Variants in ADAM22 observed in about 807,000 individuals in gnomAD.
ADAM22 encodes the protein disintegrin and metalloproteinase domain-containing protein 22.
A neutral mutation model predicts 144.6 loss-of-function variants in ADAM22; 65 were observed. That is an observed-to-expected ratio of 0.45 (90% CI 0.37 to 0.55). ADAM22 has a LOEUF of 0.55. Ranked by LOEUF, ADAM22 falls within the 20% of genes least tolerant of loss-of-function variation. The pLI, the probability that ADAM22 is intolerant of heterozygous loss-of-function variation, is 0.00. For missense variants in ADAM22, 974 were observed against 1,184.9 expected (o/e 0.82, Z 2.61); for synonymous variants, 391 against 412.6 (o/e 0.95, Z 0.63).
At chr7:87,968,067 A>G (rs1849575936) in intron 2 of ADAM22, among the ~76,000 whole-genome samples, 1 of 152,194 alleles carries the variant, frequency 6.6e-6, no homozygotes, top group Non-Finnish European at 1.5e-5. Context: ...TTAAGAAATA[A>G]TGCAGGAATT....
intron 3 of ADAM22, among the ~76,000 whole-genome samples, chr7:88,002,912 A>G (rs1257906073): frequency 6.6e-6 from 1 of 152,226 alleles, no homozygotes; most frequent in East Asian, 1.9e-4. Context: ...TGCTTAGATG[A>G]AGTAAGAGGA....
intron 4 of ADAM22, among the ~76,000 whole-genome samples, chr7:88,085,570 A>G (rs1208338782): frequency 6.6e-6 from 1 of 152,220 alleles, no homozygotes; most frequent in Non-Finnish European, 1.5e-5. Flanking sequence ...CAAAATCATG[A>G]TAAATCTTTT....
rs369310779 is a variant in ADAM22 at position 88,200,590 on chromosome 7, C to T, written c.*4099C>T. 2.0e-5 allele frequency: 3 copies of T among 152,204 alleles called. No homozygotes were observed. The highest frequency in any genetic ancestry group is 4.4e-5 in the Non-Finnish European group (3 of 68,050). 9.4% of individuals were successfully genotyped at this position (152,204 alleles called of 1,614,324 possible). On this transcript the variant is annotated 3_prime_UTR_variant, in exon 32 of 32. Coordinates refer to ENST00000413139, the MANE Select transcript of ADAM22 (RefSeq NM_001324418.2). ...CAGCATCATATCTACTTTTTATGCA[C>T]CTAATTATATTTTTCCTTTCACTTT...
At chr7:87,960,283 T>C (rs1847737618) in intron 2 of ADAM22, among the ~76,000 whole-genome samples, 1 of 152,312 alleles carries the variant, frequency 6.6e-6, no homozygotes, top group South Asian at 2.1e-4. Flanking sequence ...GCTTTCATTT[T>C]AAGCATCATA....
chr7:88,030,312 T>C (rs1335067509), intron 3 of ADAM22, among the ~76,000 whole-genome samples: 1 of 152,156 alleles, frequency 6.6e-6, no homozygotes, highest in African/African-American at 2.4e-5. Context: ...CTCCAGAATT[T>C]CTGCTTGATT....
At position 87,978,390 on chromosome 7, in the gene ADAM22, A is replaced by C. The variant is rs368084042; in HGVS notation, c.301A>C (p.Ile101Leu). 1 of 1,613,620 alleles carries C rather than the reference A, an allele frequency of 6.2e-7. No homozygotes were observed. Among genetic ancestry groups the C allele is most frequent in the South Asian group, 1.1e-5 (1 of 91,026 alleles). Residue 101 changes from isoleucine (I) to leucine (L), a missense_variant, in exon 3 of 32, where the codon ATT becomes CTT. By Grantham distance (5) the Ile-to-Leu change is conservative (BLOSUM62 2). This residue lies in a region of ADAM22 where 240 missense variants were observed against 234.3 expected (regional missense o/e 1.02). Transcript: ENST00000413139. Reference protein sequence around the residue: ...FQVDAFGTSFILDVVLNHDLL... With the variant: ...FQVDAFGTSFLLDVVLNHDLL... ...GGTTGATGCCTTTGGAACGTCATTC[A>C]TTCTCGATGTCGTGCTAAATCAGTA...
chr7:88,188,476 G>C (rs186436942), intron 30 of ADAM22, among the ~76,000 whole-genome samples: 1 of 152,282 alleles, frequency 6.6e-6, no homozygotes, highest in African/African-American at 2.4e-5. Flanking sequence ...TGAGATGTTG[G>C]TTCCTACAGT....
At chr7:88,171,281 C>T (rs1473814493) in intron 25 of ADAM22, among the ~76,000 whole-genome samples, 2 of 151,908 alleles carry the variant, frequency 1.3e-5, no homozygotes, top group Admixed American at 6.6e-5. Context: ...AAAACAATTA[C>T]TCTTTAATGA....
intron 2 of ADAM22, among the ~76,000 whole-genome samples, chr7:87,968,719 C>T (rs1266548157): frequency 6.6e-6 from 1 of 152,136 alleles, no homozygotes; most frequent in Non-Finnish European, 1.5e-5. Flanking sequence ...ATGACCCTAT[C>T]TCTAAGGGGG....
intron 27 of ADAM22, among the ~76,000 whole-genome samples, chr7:88,180,957 C>G (rs1167357783): frequency 6.6e-6 from 1 of 152,022 alleles, no homozygotes; most frequent in African/African-American, 2.4e-5. Flanking sequence ...ATGTACTACA[C>G]TTTTTTGGAC....
At chr7:88,151,879 A>AATATATG (rs1838499541) in intron 20 of ADAM22, among the ~76,000 whole-genome samples, 1 of 152,210 alleles carries the variant, frequency 6.6e-6, no homozygotes, top group African/African-American at 2.4e-5. Flanking sequence ...TTCAAAGGAA[A>AATATATG]ATATATGATA....
At chr7:88,107,794 G>A (rs1824842488) in intron 4 of ADAM22, among the ~76,000 whole-genome samples, 1 of 150,232 alleles carries the variant, frequency 6.7e-6, no homozygotes, top group Non-Finnish European at 1.5e-5. Flanking sequence ...GTCTTGCTAT[G>A]TTGCTTAGGC....
chr7:88,053,905 C>T (rs1807395274), intron 3 of ADAM22, among the ~76,000 whole-genome samples: 1 of 151,946 alleles, frequency 6.6e-6, no homozygotes, highest in Non-Finnish European at 1.5e-5. Context: ...CTGAGGCGGG[C>T]AGATCACCTG....
At chr7:88,005,198 G>T (rs760522540) in intron 3 of ADAM22, among the ~76,000 whole-genome samples, 1 of 152,090 alleles carries the variant, frequency 6.6e-6, no homozygotes, top group Non-Finnish European at 1.5e-5. Flanking sequence ...CATTAAATTT[G>T]TGTATTATAG....
At chr7:88,027,838 C>T (rs1799369487) in intron 3 of ADAM22, among the ~76,000 whole-genome samples, 1 of 149,786 alleles carries the variant, frequency 6.7e-6, no homozygotes. Flanking sequence ...GAGTCTTGCT[C>T]TGTTGCCCAG....
chr7:87,934,597 A>T, intron 1 of ADAM22, 47 bp downstream of exon 1: 1 of 1,555,996 alleles, frequency 6.4e-7, no homozygotes, highest in South Asian at 1.2e-5. Context: ...ATTTCCCGGG[A>T]ATCTTTGGAG....
chr7:88,003,474 T>A (rs1277763918), intron 3 of ADAM22, among the ~76,000 whole-genome samples: 9 of 152,086 alleles, frequency 5.9e-5, no homozygotes, highest in Admixed American at 5.9e-4. Flanking sequence ...GAAAATAGAG[T>A]GAATTTTATA....
At chr7:87,938,401 T>TAAA (rs761723284) in intron 2 of ADAM22, among the ~76,000 whole-genome samples, 13 of 151,710 alleles carry the variant, frequency 8.6e-5, no homozygotes, top group Non-Finnish European at 1.5e-4. Context: ...GTATTCTTAG[T>TAAA]AGAGACAGGG....
Position 88,196,477 on chromosome 7 carries a change from G to T in ADAM22, c.2881G>T (p.Glu961Ter). 1 of 1,614,092 alleles carries T rather than the reference G, an allele frequency of 6.2e-7. No individual in the cohort carries two copies. Among genetic ancestry groups the T allele is most frequent in the Non-Finnish European group, 8.5e-7 (1 of 1,180,010 alleles). ...KVNRQSARLW[E>*]TSI Reference sequence around the variant, plus strand: ...GCTCTTTTCTGTTGTGCAGCTATGGGAGACATCCATTTAAGATCAACTGTT... The same window carrying T: ...GCTCTTTTCTGTTGTGCAGCTATGGTAGACATCCATTTAAGATCAACTGTT... The change falls in exon 32 of 32, where the codon GAG (glutamate) becomes TAG (stop). Residue 961 changes from glutamate to a stop codon, truncating the protein, a stop_gained. Coordinates refer to ENST00000413139, the MANE Select transcript of ADAM22 (RefSeq NM_001324418.2). LOFTEE classifies it high-confidence loss of function.
Sources: allele counts gnomAD v4.1 joint callset (sites outside exome capture counted in the v4.1 genomes callset), GRCh38; gene constraint gnomAD v4.1.1; regional missense constraint gnomAD v4.1.1; transcripts MANE v1.5; gene names NCBI Gene and HGNC (gene_info 2026-07-23, HGNC 2026-07-21).